DGKA: variants seen among roughly 807,000 people sequenced by gnomAD.
DGKA encodes the protein diacylglycerol kinase alpha, also known as 80 kDa diacylglycerol kinase.
Under a neutral mutation model 105.0 loss-of-function variants are expected in DGKA, and 35 were observed. That is an observed-to-expected ratio of 0.33 (90% CI 0.25 to 0.44). The LOEUF (loss-of-function observed/expected upper bound fraction) is 0.44. DGKA is among the 20% of genes least tolerant of loss of function. The pLI, the probability that DGKA is intolerant of heterozygous loss-of-function variation, is 1.00. For synonymous variants in DGKA, 296 were observed against 332.0 expected, an observed-to-expected ratio of 0.89 and a Z score of 1.18; for missense variants, 665 against 915.0, an observed-to-expected ratio of 0.73 and a Z score of 3.53.
At position 55,939,176 on chromosome 12, in the gene DGKA, CTG is replaced by C. The variant is rs1399876036; in HGVS notation, c.475-7_475-6del. 16 of 1,613,374 alleles carry C rather than the reference CTG, an allele frequency of 9.9e-6. No homozygotes were observed. The highest frequency in any genetic ancestry group is 1.2e-5 in the Non-Finnish European group (14 of 1,179,678). On this transcript the variant is annotated splice_polypyrimidine_tract_variant and splice_region_variant and intron_variant, in intron 7 of 23. Coordinates refer to ENST00000331886, the MANE Select transcript of DGKA (RefSeq NM_001345.5). ...CTCATACTGAAAGTCCCTTTCCACT[CTG>C]TGCTCAGATTCTTCAGGAGATGATG... is the stretch of plus-strand genomic sequence containing the variant.
chr12:55,940,000 C>A, intron 9 of DGKA, 82 bp from the exon 10 acceptor site: 1 of 1,262,178 alleles, frequency 7.9e-7, no homozygotes, highest in South Asian at 1.2e-5. Context: ...GATCACATAT[C>A]TGATCCTGCC....
intron 17 of DGKA, among the ~76,000 whole-genome samples, chr12:55,944,527 A>T (rs1038350888): frequency 5.9e-5 from 9 of 152,112 alleles, no homozygotes; most frequent in Non-Finnish European, 1.3e-4. Context: ...AAGAGGGGGG[A>T]TTGAAGGGAT....
Position 55,940,356 on chromosome 12 carries a change from C to G in DGKA, c.841C>G (p.Arg281Gly), listed in dbSNP as rs758054607. Residue 281 changes from arginine to glycine, a missense_variant, in exon 11 of 24, where the codon CGC (arginine) becomes GGC (glycine). Physicochemically the swap from Arg to Gly is moderately radical, Grantham distance 125. Around this residue, in one of 3 missense-constraint regions of DGKA, gnomAD observed 504 missense variants for 681.2 expected, o/e 0.74. Transcript: ENST00000331886. This position sits in a 1 kb window ranked among gnomAD's most constrained non-coding sequence, Gnocchi z 4.3. ...GGTGCGAGGAGGCTGTGAGTCCGGG[C>G]GCTGCGACCGCTGTCAGAAAAAGAT... ...VWVRGGCESG[R>G]CDRCQKKIRI... The G allele has an allele frequency of 6.2e-7, 1 of 1,614,246 alleles. No homozygotes were observed. Among genetic ancestry groups the G allele is most frequent in the South Asian group, 1.1e-5 (1 of 91,086 alleles).
At position 55,952,030 on chromosome 12, in the gene DGKA, T is replaced by C; in HGVS notation, c.1588-5T>C. 1 of 1,613,912 alleles carries C rather than the reference T, an allele frequency of 6.2e-7. No homozygotes were observed. The highest frequency in any genetic ancestry group is 8.5e-7 in the Non-Finnish European group (1 of 1,179,994). On this transcript the variant is annotated splice_region_variant and splice_polypyrimidine_tract_variant and intron_variant, in intron 18 of 23. Coordinates refer to ENST00000331886, the MANE Select transcript of DGKA (RefSeq NM_001345.5). The surrounding 1 kb of genome is among the most constrained non-coding windows in gnomAD (Gnocchi z 5.1). The stretch of plus-strand genomic sequence containing the variant: ...GTACTGACCTTCATGTCCCGAACTC[T>C]CCAGGATGCCTCTATTGCTCATCGA...
rs1192775219 is a variant in DGKA at position 55,932,404 on chromosome 12, G to A, written c.-82+1060G>A. 1.6e-6 allele frequency: 1 copy of A among 616,236 alleles called. No individual in the cohort carries two copies. Among genetic ancestry groups the A allele is most frequent in the Non-Finnish European group, 2.9e-6 (1 of 339,440 alleles). 38.2% of individuals were successfully genotyped at this position (616,236 alleles called of 1,614,324 possible). A position where few individuals can be genotyped will look rare whatever the true frequency, so the allele number is the denominator to read the frequency against. ...CCCGGTTCCTGGGACCCGACTCGGA[G>A]GGAAGTCCTCTTCGGAACCTCCACA... On this transcript the variant is annotated intron_variant, in intron 1 of 23. Coordinates refer to ENST00000331886, the MANE Select transcript of DGKA (RefSeq NM_001345.5). The surrounding 1 kb of genome is among the most constrained non-coding windows in gnomAD (Gnocchi z 4.3).
chr12:55,952,565 A>G lies in DGKA; in HGVS notation c.1743+134A>G, dbSNP rs139052415. 209 of 1,178,768 alleles carry G rather than the reference A, an allele frequency of 1.8e-4. No individual in the cohort carries two copies. The African/African-American group carries it at 2.5e-3, about 14-fold the overall frequency. The allele number at this position is 1,178,768 out of a possible 1,614,324, so 73.0% of individuals were successfully genotyped here. A position where few individuals can be genotyped will look rare whatever the true frequency, so the allele number is the denominator to read the frequency against. The stretch of plus-strand genomic sequence containing the variant: ...TTAACCTCCCAGCTCTCCTACCCCA[A>G]TTCTCCAAGTCCTCAAGATACACTA... On this transcript the variant is annotated intron_variant, in intron 20 of 23. Transcript: ENST00000331886. The surrounding 1 kb of genome is among the most constrained non-coding windows in gnomAD (Gnocchi z 5.1).
At chr12:55,927,653 C>A, upstream of DGKA, 1 of 1,522,542 alleles carries the variant, frequency 6.6e-7, no homozygotes. Context: ...CGATTGCTGT[C>A]GGCCAACCCA....
chr12:55,938,308 T>C, intron 5 of DGKA: 1 of 726,452 alleles, frequency 1.4e-6, no homozygotes. Context: ...ATGGATTATG[T>C]ATTGTCTCCC....
At chr12:55,941,116 A>G in intron 13 of DGKA, 136 bp downstream of exon 13, 2 of 1,250,682 alleles carry the variant, frequency 1.6e-6, no homozygotes, top group Admixed American at 2.1e-5. Flanking sequence ...ATGGTAGGGG[A>G]GGGAAGGGGA....
upstream of DGKA, chr12:55,930,702 G>A (rs973938451): frequency 1.3e-5 from 2 of 152,242 alleles, no homozygotes; most frequent in African/African-American, 4.8e-5. Flanking sequence ...GGGTGAGAGG[G>A]TGAGACTTGG....
At position 55,937,983 on chromosome 12, in the gene DGKA, G is replaced by C; in HGVS notation, c.280G>C (p.Val94Leu). Reference protein sequence around the residue: ...LNETNVTKDVVCLNDVSCYFS... With the variant: ...LNETNVTKDVLCLNDVSCYFS... ...ATCTGCTTTTTTGTAACCAGATGTG[G>C]TGTGTCTCAATGATGTTTCCTGCTA... is the stretch of plus-strand genomic sequence containing the variant. Residue 94 changes from valine (V) to leucine (L), a missense_variant, in exon 5 of 24, where the codon GTG becomes CTG. Around this residue, in one of 3 missense-constraint regions of DGKA, gnomAD observed 504 missense variants for 681.2 expected, o/e 0.74. Coordinates refer to ENST00000331886, the MANE Select transcript of DGKA (RefSeq NM_001345.5). The C allele has an allele frequency of 6.2e-7, 1 of 1,614,152 alleles. No individual in the cohort carries two copies. Among genetic ancestry groups the C allele is most frequent in the Non-Finnish European group, 8.5e-7 (1 of 1,180,018 alleles).
chr12:55,930,658 GC>G (rs1883482575), upstream of DGKA: 3 of 152,372 alleles, frequency 2.0e-5, no homozygotes, highest in African/African-American at 7.2e-5. Flanking sequence ...GAGCCACCGC[GC>G]CCGGCCTTTG....
upstream of DGKA, chr12:55,928,286 CTTAGT>C (rs1481342302): frequency 2.6e-5 from 4 of 153,328 alleles, no homozygotes; most frequent in Non-Finnish European, 4.4e-5. Flanking sequence ...CCCACTTTGG[CTTAGT>C]TTAATGTCCA....
Position 55,939,079 on chromosome 12 carries a change from G to C in DGKA, c.474+90G>C, listed in dbSNP as rs1885362660. The C allele has an allele frequency of 1.9e-6, 3 of 1,607,288 alleles. No individual in the cohort carries two copies. In the African/African-American group the frequency reaches 4.0e-5, roughly 21 times the overall value. On this transcript the variant is annotated intron_variant, in intron 7 of 23. Transcript: ENST00000331886. ...TTACTTCATCTCTGACAGGCAACCT[G>C]GTTCCCTTGGCTAGGATGGCTGGGC...
chr12:55,950,813 A>G (rs1317094492), intron 17 of DGKA, among the ~76,000 whole-genome samples: 1 of 152,110 alleles, frequency 6.6e-6, no homozygotes, highest in Non-Finnish European at 1.5e-5. Flanking sequence ...GGTTTGAGCA[A>G]TCCTCCTGCC....
Position 55,938,005 on chromosome 12 carries a change from GCT to G in DGKA, c.303_304del (p.Cys101Ter). On this transcript the variant is annotated stop_gained and frameshift_variant, in exon 5 of 24. Transcript: ENST00000331886. LOFTEE classifies it high-confidence loss of function. ...GTGGTGTGTCTCAATGATGTTTCCT[GCT>G]ACTTTTCCCTTCTGGAGGGTGGTCG... 6.2e-7 allele frequency: 1 copy of G among 1,614,144 alleles called. No individual in the cohort carries two copies. Among genetic ancestry groups the G allele is most frequent in the South Asian group, 1.1e-5 (1 of 91,078 alleles).
At chr12:55,935,733 C>A (rs1328903997) in intron 1 of DGKA, 1 of 247,578 alleles carries the variant, frequency 4.0e-6, no homozygotes, top group Non-Finnish European at 6.4e-6. Flanking sequence ...TCTTCCCTAC[C>A]CCGCGCCTAG....
At chr12:55,939,158 T>C (rs761813583) in intron 7 of DGKA, 28 bp from the exon 8 acceptor site, 16 of 1,611,494 alleles carry the variant, frequency 9.9e-6, no homozygotes, top group African/African-American at 4.0e-5. Flanking sequence ...CCACTCATAC[T>C]GAAAGTCCCT....
intron 1 of DGKA, among the ~76,000 whole-genome samples, chr12:55,934,849 A>G (rs1287988168): frequency 6.6e-6 from 1 of 152,214 alleles, no homozygotes; most frequent in Admixed American, 6.5e-5. Flanking sequence ...TGTACAACCA[A>G]TATTCAGCAC....
Sources: allele counts gnomAD v4.1 joint callset (sites outside exome capture counted in the v4.1 genomes callset), GRCh38; gene constraint gnomAD v4.1.1; regional missense constraint gnomAD v4.1.1; non-coding constraint Gnocchi (gnomAD v3.1); transcripts MANE v1.5; gene names NCBI Gene and HGNC (gene_info 2026-07-23, HGNC 2026-07-21).